The following ALDOC variants were observed in gnomAD, a reference collection of about 807,000 sequenced individuals.
ALDOC encodes the protein fructose-bisphosphate aldolase C.
A neutral mutation model predicts 39.5 loss-of-function variants in ALDOC; 23 were observed. The observed-to-expected ratio is 0.58, with a 90% confidence interval of 0.42 to 0.82. ALDOC has a LOEUF of 0.82. ALDOC is among the 40% of genes least tolerant of loss of function. The probability of loss-of-function intolerance (pLI) is 0.00; values close to 1 mark genes in which losing one functional copy is unlikely to be tolerated. For missense variants in ALDOC, 356 were observed against 479.1 expected, an observed-to-expected ratio of 0.74 and a Z score of 2.40; for synonymous variants, 160 against 182.6, an observed-to-expected ratio of 0.88 and a Z score of 1.00.
Position 28,573,207 on chromosome 17 carries a change from G to A in ALDOC, c.*319C>T. 1 of 474,354 alleles carries A rather than the reference G, an allele frequency of 2.1e-6. No homozygotes were observed. The highest frequency in any genetic ancestry group is 3.9e-6 in the Non-Finnish European group (1 of 257,914). 29.4% of individuals were successfully genotyped at this position (474,354 alleles called of 1,614,324 possible). On this transcript the variant is annotated 3_prime_UTR_variant, in exon 9 of 9. Transcript: ENST00000226253. The surrounding 1 kb of genome is among the most constrained non-coding windows in gnomAD (Gnocchi z 4.3). ...CTACCCTCTGATCCCAGGAGACAGG[G>A]CAGGCAAGAAGGAGAGCCCAGGGAG...
chr17:28,575,775 A>T lies in ALDOC; in HGVS notation c.-12-231T>A. The stretch of plus-strand genomic sequence containing the variant: ...AGGCATCCTTCCCAGCCCTGGGGAA[A>T]GATGCAGGGTGGGGGTGGGGAGGTG... On this transcript the variant is annotated intron_variant, in intron 1 of 8. Transcript: ENST00000226253. This position sits in a 1 kb window ranked among gnomAD's most constrained non-coding sequence, Gnocchi z 4.3. 1.8e-5 allele frequency: 11 copies of T among 624,712 alleles called. No individual in the cohort carries two copies. Among genetic ancestry groups the T allele is most frequent in the East Asian group, 3.5e-5 (1 of 28,264 alleles). The allele number at this position is 624,712 out of a possible 1,614,324, so 38.7% of individuals were successfully genotyped here.
At position 28,575,921 on chromosome 17, in the gene ALDOC, C is replaced by G. The variant is rs1803342944; in HGVS notation, c.-12-377G>C. On this transcript the variant is annotated intron_variant, in intron 1 of 8. Coordinates refer to ENST00000226253, the MANE Select transcript of ALDOC (RefSeq NM_005165.3). This position sits in a 1 kb window ranked among gnomAD's most constrained non-coding sequence, Gnocchi z 4.3. ...CAAAAGTCCTGGCCTTTCCAGCTTC[C>G]CTTTTCTCATCCTCCACAGGACCCC... 9.7e-7 allele frequency: 1 copy of G among 1,027,780 alleles called. No homozygotes were observed. The highest frequency in any genetic ancestry group is 1.2e-6 in the Non-Finnish European group (1 of 845,422). 63.7% of individuals were successfully genotyped at this position (1,027,780 alleles called of 1,614,324 possible).
In ALDOC at chr17:28,574,227, C is replaced by G; in HGVS notation, c.639G>C (p.Val213=). The G allele has an allele frequency of 6.3e-7, 1 of 1,590,494 alleles. No individual in the cohort carries two copies. Among genetic ancestry groups the G allele is most frequent in the South Asian group, 1.2e-5 (1 of 86,950 alleles). ...CATGATGGTCACTCAGGGCCTTGTACACAGCAGCCAAGACCTGGGTGGGGA... is the reference window on the plus strand; with the variant it reads ...CATGATGGTCACTCAGGGCCTTGTAGACAGCAGCCAAGACCTGGGTGGGGA... The part of the protein sequence containing the change: ...QYVTEKVLAA[V]YKALSDHHVY... Residue 213 remains valine, a synonymous_variant, in exon 7 of 9, where the codon GTG becomes GTC. Transcript: ENST00000226253.
chr17:28,575,718 C>T lies in ALDOC; in HGVS notation c.-12-174G>A, dbSNP rs2070480928. The T allele has an allele frequency of 2.5e-6, 2 of 809,942 alleles. No individual in the cohort carries two copies. Among genetic ancestry groups the T allele is most frequent in the Admixed American group, 6.0e-5 (2 of 33,564 alleles). The allele number at this position is 809,942 out of a possible 1,614,324, so 50.2% of individuals were successfully genotyped here. Reference sequence around the variant, plus strand: ...CTTCTGACAGCTAGCAAGCTTAGGGCTCCAGTTCCCACATCTCCTTTTGTC... The same window carrying T: ...CTTCTGACAGCTAGCAAGCTTAGGGTTCCAGTTCCCACATCTCCTTTTGTC... On this transcript the variant is annotated intron_variant, in intron 1 of 8. Coordinates refer to ENST00000226253, the MANE Select transcript of ALDOC (RefSeq NM_005165.3). The surrounding 1 kb of genome is among the most constrained non-coding windows in gnomAD (Gnocchi z 4.3).
In ALDOC at chr17:28,575,247, T is replaced by C; in HGVS notation, c.200A>G (p.Asp67Gly). The C allele has an allele frequency of 6.2e-7, 1 of 1,614,136 alleles. No individual in the cohort carries two copies. Among genetic ancestry groups the C allele is most frequent in the Non-Finnish European group, 8.5e-7 (1 of 1,180,030 alleles). ...RLYRQVLFSA[D>G]DRVKKCIGGV... The stretch of plus-strand genomic sequence containing the variant: ...TCCAATGCACTTTTTCACACGGTCA[T>C]CAGCACTGAACAGGACCTGGCGGTA... Residue 67 changes from aspartate (D) to glycine (G), a missense_variant, in exon 3 of 9, where the codon GAT becomes GGT. Physicochemically the swap from Asp to Gly is moderately conservative, Grantham distance 94. Transcript: ENST00000226253. The surrounding 1 kb of genome is among the most constrained non-coding windows in gnomAD (Gnocchi z 4.3).
chr17:28,575,376 TC>T lies in ALDOC; in HGVS notation c.113-43del, dbSNP rs1400581829. 6 of 1,613,918 alleles carry T rather than the reference TC, an allele frequency of 3.7e-6. No individual in the cohort carries two copies. In the African/African-American group the frequency reaches 6.7e-5, roughly 18 times the overall value. ...AGAGGCAGTGAGAACATCCCCAGGGTCCCCTAGCCACCTGTACCCTACCTGG... is the reference window on the plus strand; with the variant it reads ...AGAGGCAGTGAGAACATCCCCAGGGTCCCTAGCCACCTGTACCCTACCTGG... On this transcript the variant is annotated intron_variant, in intron 2 of 8. Transcript: ENST00000226253. The surrounding 1 kb of genome is among the most constrained non-coding windows in gnomAD (Gnocchi z 4.3).
In ALDOC at chr17:28,573,684, G is replaced by A. The variant is rs1458570037; in HGVS notation, c.999+51C>T. 1.2e-6 allele frequency: 2 copies of A among 1,613,782 alleles called. No individual in the cohort carries two copies. Among genetic ancestry groups the A allele is most frequent in the East Asian group, 2.2e-5 (1 of 44,878 alleles). ...CCCACAGGTGCCAAGCCCTGCCCAG[G>A]CTATAGCCTCTGGGTGCTGCCCCCA... On this transcript the variant is annotated intron_variant, in intron 8 of 8. Transcript: ENST00000226253. This position sits in a 1 kb window ranked among gnomAD's most constrained non-coding sequence, Gnocchi z 4.3.
chr17:28,574,893 C>G, intron 4 of ALDOC, 37 bp from the exon 5 acceptor site: 1 of 1,614,208 alleles, frequency 6.2e-7, no homozygotes, highest in Non-Finnish European at 8.5e-7. Flanking sequence ...CTCTGCCCCT[C>G]TTTTACCAGC....
In ALDOC at chr17:28,574,575, A is replaced by C; in HGVS notation, c.543T>G (p.Asn181Lys). ...CAGGTTCCACAATAGGCACAATGCC[A>C]TTCTGCAGGCAAGAGCAGAGATGCT... ...LARYASICQQ[N>K]GIVPIVEPEI... Residue 181 changes from asparagine to lysine, a missense_variant and splice_region_variant, in exon 6 of 9, where the codon AAT becomes AAG. Physicochemically the swap from Asn to Lys is moderately conservative, Grantham distance 94. Transcript: ENST00000226253. 1 of 1,614,128 alleles carries C rather than the reference A, an allele frequency of 6.2e-7. No individual in the cohort carries two copies. The highest frequency in any genetic ancestry group is 8.5e-7 in the Non-Finnish European group (1 of 1,180,000).
At position 28,574,229 on chromosome 17, in the gene ALDOC, C is replaced by T. The variant is rs777472706; in HGVS notation, c.637G>A (p.Val213Met). The T allele has an allele frequency of 1.3e-6, 2 of 1,590,122 alleles. No homozygotes were observed. The highest frequency in any genetic ancestry group is 2.2e-5 in the East Asian group (1 of 44,768). The change falls in exon 7 of 9, where the codon GTG becomes ATG. Residue 213 changes from valine (V) to methionine (M), a missense_variant. Coordinates refer to ENST00000226253, the MANE Select transcript of ALDOC (RefSeq NM_005165.3). ...TGATGGTCACTCAGGGCCTTGTACA[C>T]AGCAGCCAAGACCTGGGTGGGGATT... The part of the protein sequence containing the change: ...QYVTEKVLAA[V>M]YKALSDHHVY...
chr17:28,574,666 C>T (rs899450951), intron 5 of ALDOC, 30 bp downstream of exon 5: 12 of 1,613,806 alleles, frequency 7.4e-6, no homozygotes, highest in East Asian at 6.7e-5. Context: ...ATACAGGGCA[C>T]CTAGCTCACC....
Position 28,573,260 on chromosome 17 carries a change from G to A in ALDOC, c.*266C>T, listed in dbSNP as rs2151515997. ...GCTACCTCATCATGGGAAAATTGTG[G>A]GAGCTGGAAGAGGTAGGGGGAGACC... On this transcript the variant is annotated 3_prime_UTR_variant, in exon 9 of 9. Transcript: ENST00000226253. This position sits in a 1 kb window ranked among gnomAD's most constrained non-coding sequence, Gnocchi z 4.3. 1.8e-6 allele frequency: 1 copy of A among 545,232 alleles called. No homozygotes were observed. Among genetic ancestry groups the A allele is most frequent in the Non-Finnish European group, 3.3e-6 (1 of 302,460 alleles). The allele number at this position is 545,232 out of a possible 1,614,324, so 33.8% of individuals were successfully genotyped here. A position where few individuals can be genotyped will look rare whatever the true frequency, so the allele number is the denominator to read the frequency against.
rs377735389 is a variant in ALDOC, at chr17:28,575,455, C to G, written c.78G>C (p.Pro26=). ...CATCCGCAGCCAGAATGCCTTTGCC[C>G]GGGGCTACAATCCGCAGGGCAATGT... The part of the protein sequence containing the change: ...LSDIALRIVA[P]GKGILAADES... Residue 26 remains proline (P), a synonymous_variant, in exon 2 of 9, where the codon CCG becomes CCC. Coordinates refer to ENST00000226253, the MANE Select transcript of ALDOC (RefSeq NM_005165.3). The surrounding 1 kb of genome is among the most constrained non-coding windows in gnomAD (Gnocchi z 4.3). 6.2e-7 allele frequency: 1 copy of G among 1,614,194 alleles called. No individual in the cohort carries two copies. Among genetic ancestry groups the G allele is most frequent in the Non-Finnish European group, 8.5e-7 (1 of 1,180,026 alleles).
intron 6 of ALDOC, 83 bp from the exon 7 acceptor site, chr17:28,574,324 G>C: frequency 6.8e-7 from 1 of 1,479,500 alleles, no homozygotes; most frequent in Non-Finnish European, 9.3e-7. Flanking sequence ...GGGGTAGATG[G>C]GCACAGACTG....
chr17:28,573,849 G>A lies in ALDOC; in HGVS notation c.885C>T (p.Pro295=), dbSNP rs1280835611. 3 of 1,614,130 alleles carry A rather than the reference G, an allele frequency of 1.9e-6. No homozygotes were observed. Among genetic ancestry groups the A allele is most frequent in the Admixed American group, 3.3e-5 (2 of 60,016 alleles). ...NAINRCPLPR[P]WALTFSYGRA... is the part of the protein sequence containing the mutation. ...GCCCATAGGAGAAGGTAAGCGCCCA[G>A]GGTCGGGGAAGGGGGCAGCGGTTGA... The change falls in exon 8 of 9, where the codon CCC becomes CCT. Residue 295 remains proline (P), a synonymous_variant. Transcript: ENST00000226253. The surrounding 1 kb of genome is among the most constrained non-coding windows in gnomAD (Gnocchi z 4.3).
Position 28,575,857 on chromosome 17 carries a change from A to G in ALDOC, c.-12-313T>C. Reference sequence around the variant, plus strand: ...ATCTGCTGCCCAATCAAGGATGCCAACCCTTCTTTCACTGAACTTGGTCCC... The same window carrying G: ...ATCTGCTGCCCAATCAAGGATGCCAGCCCTTCTTTCACTGAACTTGGTCCC... On this transcript the variant is annotated intron_variant, in intron 1 of 8. Transcript: ENST00000226253. The surrounding 1 kb of genome is among the most constrained non-coding windows in gnomAD (Gnocchi z 4.3). 1.5e-6 allele frequency: 1 copy of G among 668,850 alleles called. No individual in the cohort carries two copies. Among genetic ancestry groups the G allele is most frequent in the South Asian group, 2.7e-5 (1 of 36,456 alleles). 41.4% of individuals were successfully genotyped at this position (668,850 alleles called of 1,614,324 possible).
rs1211626757 is a variant in ALDOC, at chr17:28,575,659, TGGCATGAGTCCTG to T, written c.-12-128_-12-116del. The T allele has an allele frequency of 7.6e-7, 1 of 1,315,066 alleles. No individual in the cohort carries two copies. The highest frequency in any genetic ancestry group is 1.0e-6 in the Non-Finnish European group (1 of 978,726). 81.5% of individuals were successfully genotyped at this position (1,315,066 alleles called of 1,614,324 possible). On this transcript the variant is annotated intron_variant, in intron 1 of 8. Coordinates refer to ENST00000226253, the MANE Select transcript of ALDOC (RefSeq NM_005165.3). This position sits in a 1 kb window ranked among gnomAD's most constrained non-coding sequence, Gnocchi z 4.3. ...GGGCTGGGAACAGGGCAGCAGTCCT[TGGCATGAGTCCTG>T]GGCATCAAGTGGCACCAGTCCTTCT...
chr17:28,574,565 G>A lies in ALDOC; in HGVS notation c.553C>T (p.Pro185Ser). Residue 185 changes from proline to serine, a missense_variant, in exon 6 of 9, where the codon CCT (proline) becomes TCT (serine). Transcript: ENST00000226253. ...GGCAATATTTCAGGTTCCACAATAG[G>A]CACAATGCCATTCTGCAGGCAAGAG... ...ASICQQNGIVPIVEPEILPDG... is the reference protein window; with the variant it reads ...ASICQQNGIVSIVEPEILPDG... 3.1e-6 allele frequency: 5 copies of A among 1,614,062 alleles called. No individual in the cohort carries two copies. Among genetic ancestry groups the A allele is most frequent in the Non-Finnish European group, 4.2e-6 (5 of 1,179,990 alleles).
Position 28,573,698 on chromosome 17 carries a change from G to A in ALDOC, c.999+37C>T. The A allele has an allele frequency of 6.2e-7, 1 of 1,613,814 alleles. No individual in the cohort carries two copies. Among genetic ancestry groups the A allele is most frequent in the South Asian group, 1.1e-5 (1 of 91,080 alleles). The stretch of plus-strand genomic sequence containing the variant: ...GCCCTGCCCAGGCTATAGCCTCTGG[G>A]TGCTGCCCCCACCCACCACCACCTG... On this transcript the variant is annotated intron_variant, in intron 8 of 8. Coordinates refer to ENST00000226253, the MANE Select transcript of ALDOC (RefSeq NM_005165.3). The surrounding 1 kb of genome is among the most constrained non-coding windows in gnomAD (Gnocchi z 4.3).
Sources: gnomAD v4.1 joint callset for allele counts on GRCh38, gnomAD v4.1.1 for gene constraint, Gnocchi (gnomAD v3.1) non-coding constraint, MANE v1.5 for transcripts, NCBI Gene and HGNC (gene_info 2026-07-23, HGNC 2026-07-21) for gene names.